MECOM: variants seen among roughly 807,000 people sequenced by gnomAD.
The protein encoded by MECOM is MDS1 and EVI1 complex locus.
A neutral mutation model predicts 116.3 loss-of-function variants in MECOM; 13 were observed. The ratio of observed to expected loss-of-function variants is 0.11; its 90% CI spans 0.07 to 0.18. MECOM has a LOEUF of 0.18. Ranked by LOEUF, MECOM falls within the 10% of genes least tolerant of loss-of-function variation. The probability of loss-of-function intolerance (pLI) is 1.00; values close to 1 mark genes in which losing one functional copy is unlikely to be tolerated. For missense variants in MECOM, 1,299 were observed against 1,509.0 expected, an observed-to-expected ratio of 0.86 and a Z score of 2.31; for synonymous variants, 528 against 535.2, an observed-to-expected ratio of 0.99 and a Z score of 0.19.
chr3:169,398,345 A>G (rs1033037528), intron 1 of MECOM, among the ~76,000 whole-genome samples: 1 of 152,178 alleles, frequency 6.6e-6, no homozygotes, highest in Non-Finnish European at 1.5e-5. Context: ...AAATAGAAAA[A>G]TGTTCTACAT....
chr3:169,191,641 G>A lies in MECOM; in HGVS notation c.376-47809C>T, dbSNP rs181073969. Among the ~76,000 whole-genome samples, 260 of 145,982 alleles carry A rather than the reference G, an allele frequency of 1.8e-3. 3 individuals are homozygous for A. The Admixed American group carries it at 0.018, about 10-fold the overall frequency. ...AAGGAAAGAAGGAGGAAATGAAGGAGAGAAAGAAGAAAGACAGGAAAAAAC... is the reference window on the plus strand; with the variant it reads ...AAGGAAAGAAGGAGGAAATGAAGGAAAGAAAGAAGAAAGACAGGAAAAAAC... On this transcript the variant is annotated intron_variant, in intron 2 of 16. Coordinates refer to ENST00000651503, the MANE Select transcript of MECOM (RefSeq NM_004991.4).
intron 9 of MECOM, 38 bp downstream of exon 9, chr3:169,112,749 A>C (rs1198604507): frequency 2.7e-6 from 4 of 1,479,122 alleles, no homozygotes; most frequent in Non-Finnish European, 3.8e-6. Context: ...TCAACAAGTT[A>C]GTTTACAAGC....
At position 169,543,397 on chromosome 3, in the gene MECOM, A is replaced by T. The variant is rs965930824; in HGVS notation, c.37+119939T>A. 2.0e-5 allele frequency among the ~76,000 whole-genome samples: 3 copies of T among 152,192 alleles called. No individual in the cohort carries two copies. The East Asian group carries it at 5.8e-4, about 29-fold the overall frequency. ...TAGACCAGGCCTGGGTAACATAGGA[A>T]GATCCTGTCTCTACAAAAAAGTTTA... is the stretch of plus-strand genomic sequence containing the variant. On this transcript the variant is annotated intron_variant, in intron 1 of 16. Transcript: ENST00000651503.
rs1026154894 is a variant in MECOM at position 169,625,485 on chromosome 3, A to G, written c.37+37851T>C. ...AGTCTTAACATAGGGCCCATAAAGCAACACAACCCTCTAATAATTGTATCA... is the reference window on the plus strand; with the variant it reads ...AGTCTTAACATAGGGCCCATAAAGCGACACAACCCTCTAATAATTGTATCA... On this transcript the variant is annotated intron_variant, in intron 1 of 16. Coordinates refer to ENST00000651503, the MANE Select transcript of MECOM (RefSeq NM_004991.4). Among the ~76,000 whole-genome samples the G allele has an allele frequency of 9.8e-5, 15 of 152,324 alleles. No individual in the cohort carries two copies. In the South Asian group the frequency reaches 1.2e-3, roughly 13 times the overall value.
At chr3:169,247,040 A>C (rs75633201) in intron 2 of MECOM, among the ~76,000 whole-genome samples, 2,547 of 152,302 alleles carry the variant, frequency 0.017, 37 homozygotes, top group Non-Finnish European at 0.021. Flanking sequence ...CCATTTTTAC[A>C]TATTAGTAAA....
intron 1 of MECOM, among the ~76,000 whole-genome samples, chr3:169,505,584 G>A (rs920371175): frequency 1.3e-5 from 2 of 152,172 alleles, no homozygotes; most frequent in African/African-American, 2.4e-5. Context: ...CACACATGGT[G>A]AGAACATTTA....
chr3:169,625,372 C>G (rs1343942914), intron 1 of MECOM, among the ~76,000 whole-genome samples: 1 of 152,150 alleles, frequency 6.6e-6, no homozygotes. Context: ...TCATTCCTGA[C>G]AGGTTAAAGC....
chr3:169,324,337 G>T (rs1266733062), intron 2 of MECOM, among the ~76,000 whole-genome samples: 2 of 152,106 alleles, frequency 1.3e-5, no homozygotes, highest in African/African-American at 4.8e-5. Context: ...AGAAGTATAG[G>T]GATAGTCAGA....
At chr3:169,440,300 A>G (rs1324184526) in intron 1 of MECOM, among the ~76,000 whole-genome samples, 2 of 152,172 alleles carry the variant, frequency 1.3e-5, no homozygotes, top group African/African-American at 4.8e-5. Flanking sequence ...TACACAGCTC[A>G]CAATCCTGTT....
At chr3:169,148,451 G>T (rs1243509030) in intron 2 of MECOM, among the ~76,000 whole-genome samples, 1 of 152,138 alleles carries the variant, frequency 6.6e-6, no homozygotes, top group Admixed American at 6.5e-5. Flanking sequence ...AAACAAAAGG[G>T]TCTACAGATT....
intron 1 of MECOM, among the ~76,000 whole-genome samples, chr3:169,489,145 T>G (rs917757093): frequency 6.6e-6 from 1 of 152,002 alleles, no homozygotes; most frequent in Admixed American, 6.6e-5. Context: ...AAGAATAACT[T>G]CCTAGAAAAA....
intron 5 of MECOM, 104 bp downstream of exon 5, chr3:169,127,740 G>T (rs1388411474): frequency 8.0e-6 from 7 of 869,644 alleles, no homozygotes; most frequent in African/African-American, 3.3e-5. Context: ...CATTTGTCCA[G>T]CTCACTGGAG....
Position 169,332,490 on chromosome 3 carries a change from T to G in MECOM, c.375+48697A>C, listed in dbSNP as rs200012594. On this transcript the variant is annotated intron_variant, in intron 2 of 16. Transcript: ENST00000651503. ...TGTACCAAGACAAAAAAATGTGTTA[T>G]TAGTGCTCAGTGATTAATGAGCATG... Among the ~76,000 whole-genome samples, 3 of 152,148 alleles carry G rather than the reference T, an allele frequency of 2.0e-5. No homozygotes were observed. The East Asian group carries it at 5.8e-4, about 29-fold the overall frequency.
chr3:169,150,875 C>T (rs1741080177), intron 2 of MECOM, among the ~76,000 whole-genome samples: 1 of 152,120 alleles, frequency 6.6e-6, no homozygotes, highest in Non-Finnish European at 1.5e-5. Flanking sequence ...GTGTTTTCTT[C>T]CTGGTTTGAA....
At chr3:169,325,153 A>G (rs531738972) in intron 2 of MECOM, among the ~76,000 whole-genome samples, 5 of 152,320 alleles carry the variant, frequency 3.3e-5, no homozygotes, top group African/African-American at 9.6e-5. Context: ...CCCGAGGTGG[A>G]CACTGCGGAG....
intron 2 of MECOM, among the ~76,000 whole-genome samples, chr3:169,227,670 T>C (rs181711360): frequency 6.6e-6 from 1 of 152,042 alleles, no homozygotes; most frequent in African/African-American, 2.4e-5. Flanking sequence ...AAGAAATGCG[T>C]TGGAAAGGGG....
In MECOM at chr3:169,485,945, G is replaced by GTA. The variant is rs1191894384; in HGVS notation, c.38-104423_38-104422dup. ...TATAGTATATATAGTATATATGTATGTATATATGTACATATATACTATATA... is the reference window on the plus strand; with the variant it reads ...TATAGTATATATAGTATATATGTATGTATATATATGTACATATATACTATATA... On this transcript the variant is annotated intron_variant, in intron 1 of 16. Coordinates refer to ENST00000651503, the MANE Select transcript of MECOM (RefSeq NM_004991.4). Among the ~76,000 whole-genome samples the GTA allele has an allele frequency of 6.7e-3, 195 of 28,942 alleles. 2 individuals carry two copies. Among genetic ancestry groups the GTA allele is most frequent in the Non-Finnish European group, 9.4e-3 (155 of 16,518 alleles). The allele number at this position is 28,942 out of a possible 152,430, so 19.0% of individuals were successfully genotyped here.
chr3:169,289,792 G>A (rs1714143706), intron 2 of MECOM, among the ~76,000 whole-genome samples: 1 of 152,168 alleles, frequency 6.6e-6, no homozygotes, highest in African/African-American at 2.4e-5. Context: ...CCCATCTGAG[G>A]TTGGAAAACA....
At chr3:169,549,222 T>C (rs1761085320) in intron 1 of MECOM, among the ~76,000 whole-genome samples, 1 of 152,144 alleles carries the variant, frequency 6.6e-6, no homozygotes, top group African/African-American at 2.4e-5. Context: ...TCCACCCACC[T>C]TGGCCTCCCA....
Sources: allele counts gnomAD v4.1 joint callset (sites outside exome capture counted in the v4.1 genomes callset), GRCh38; gene constraint gnomAD v4.1.1; transcripts MANE v1.5; gene names NCBI Gene and HGNC (gene_info 2026-07-23, HGNC 2026-07-21).